The following DCK variants were observed in gnomAD, a reference collection of about 807,000 sequenced individuals.
The protein encoded by DCK is deoxyadenosine kinase.
In DCK, 23 loss-of-function variants were observed where a neutral mutation model predicts 38.3. The observed-to-expected ratio is 0.60, with a 90% confidence interval of 0.43 to 0.85. DCK has a LOEUF of 0.85. Among genes scored for constraint, DCK ranks in the 40% least tolerant of loss-of-function variants. The probability of loss-of-function intolerance (pLI) is 0.00; values close to 1 mark genes in which losing one functional copy is unlikely to be tolerated. For synonymous variants in DCK, 108 were observed against 100.6 expected (o/e 1.07, Z -0.44); for missense variants, 259 against 304.4 (o/e 0.85, Z 1.11).
In DCK at chr4:71,019,044, G is replaced by A. The variant is rs553218526; in HGVS notation, c.208-3323G>A. 1.2e-4 allele frequency among the ~76,000 whole-genome samples: 18 copies of A among 152,150 alleles called. No individual in the cohort carries two copies. In the East Asian group the frequency reaches 1.7e-3, roughly 15 times the overall value. The stretch of plus-strand genomic sequence containing the variant: ...CCTAGCAATTTGTCTCAAATTTCAT[G>A]CATAGGATCAAAAGAAAATGTTTTA... On this transcript the variant is annotated intron_variant, in intron 2 of 6. Transcript: ENST00000286648.
At chr4:71,005,998 C>T (rs1199821632) in intron 2 of DCK, among the ~76,000 whole-genome samples, 1 of 150,058 alleles carries the variant, frequency 6.7e-6, no homozygotes, top group South Asian at 2.1e-4. Flanking sequence ...TGGTGGTGGG[C>T]GCCTGTAATC....
At chr4:71,028,876 G>T (rs1445301756) in intron 6 of DCK, among the ~76,000 whole-genome samples, 1 of 152,126 alleles carries the variant, frequency 6.6e-6, no homozygotes, top group Non-Finnish European at 1.5e-5. Context: ...TTCTGCCTTG[G>T]CCTCCCTAGT....
At chr4:70,995,505 A>G (rs1387849928) in intron 1 of DCK, among the ~76,000 whole-genome samples, 2 of 152,102 alleles carry the variant, frequency 1.3e-5, no homozygotes, top group East Asian at 3.9e-4. Context: ...GCTTGAGCCC[A>G]AAGATCAAGG....
chr4:71,029,789 AG>A lies in DCK; in HGVS notation c.*412del, dbSNP rs942308318. On this transcript the variant is annotated 3_prime_UTR_variant, in exon 7 of 7. Coordinates refer to ENST00000286648, the MANE Select transcript of DCK (RefSeq NM_000788.3). ...TAAACTGAAAGCTTTAATGTTACAT[AG>A]TAAATGGTAGTGTGTCCTGTGTAAA... 1 of 176,706 alleles carries A rather than the reference AG, an allele frequency of 5.7e-6. No homozygotes were observed. The highest frequency in any genetic ancestry group is 2.4e-5 in the African/African-American group (1 of 41,650). 10.9% of individuals were successfully genotyped at this position (176,706 alleles called of 1,614,324 possible).
chr4:71,008,246 C>G (rs531486339), intron 2 of DCK, among the ~76,000 whole-genome samples: 1 of 152,334 alleles, frequency 6.6e-6, no homozygotes, highest in South Asian at 2.1e-4. Flanking sequence ...TCTCTCCCCC[C>G]AGTGTAATCA....
rs1463757609 is a variant in DCK at position 71,023,649 on chromosome 4, C to CAAA, written c.492_493insAAA (p.Asn164_Gln165insLys). The CAAA allele has an allele frequency of 6.2e-7, 1 of 1,613,494 alleles. No individual in the cohort carries two copies. Among genetic ancestry groups the CAAA allele is most frequent in the South Asian group, 1.1e-5 (1 of 91,010 alleles). On this transcript the variant is annotated inframe_insertion, in exon 4 of 7. Coordinates refer to ENST00000286648, the MANE Select transcript of DCK (RefSeq NM_000788.3). ...AAGACTGGCATGACTGGATGAATAA[C>CAAA]CAATTTGGCCAAAGCCTTGAATTGG...
chr4:71,003,036 A>C lies in DCK; in HGVS notation c.207+4854A>C, dbSNP rs1166729935. Among the ~76,000 whole-genome samples the C allele has an allele frequency of 1.1e-4, 16 of 152,122 alleles. 1 individual carries two copies. ...GGTTATTTTGCCTGTTAGTTGATGC[A>C]GTTTCTTCATAGTGTCGATGGTCTT... On this transcript the variant is annotated intron_variant, in intron 2 of 6. Transcript: ENST00000286648.
chr4:71,013,991 A>G (rs1333773508), intron 2 of DCK, among the ~76,000 whole-genome samples: 1 of 152,238 alleles, frequency 6.6e-6, no homozygotes, highest in African/African-American at 2.4e-5. Context: ...TAAAGACTCA[A>G]GACCCATCAG....
chr4:71,016,867 G>A (rs1254781220), intron 2 of DCK, among the ~76,000 whole-genome samples: 2 of 152,176 alleles, frequency 1.3e-5, no homozygotes, highest in African/African-American at 4.8e-5. Context: ...TGGGACATAG[G>A]CATGGGCAAG....
At chr4:70,995,736 T>C (rs68121034) in intron 1 of DCK, among the ~76,000 whole-genome samples, 1 of 152,324 alleles carries the variant, frequency 6.6e-6, no homozygotes, top group Non-Finnish European at 1.5e-5. Context: ...CTGAAATAAT[T>C]TCCTAATATA....
At chr4:71,021,769 A>G (rs7439562) in intron 2 of DCK, among the ~76,000 whole-genome samples, 124,405 of 152,112 alleles carry the variant, frequency 0.82, 54,939 homozygotes, top group Non-Finnish European at 0.97. Flanking sequence ...TTGGGAGGCC[A>G]AGGCAGGCAG....
intron 1 of DCK, among the ~76,000 whole-genome samples, chr4:70,995,130 G>A (rs746428943): frequency 7.9e-5 from 12 of 152,146 alleles, no homozygotes; most frequent in Non-Finnish European, 2.9e-5. Context: ...TTATTTCATT[G>A]CTCCAGAATT....
Position 71,025,466 on chromosome 4 carries a change from A to G in DCK, c.550-350A>G, listed in dbSNP as rs180768316. On this transcript the variant is annotated intron_variant, in intron 4 of 6. Transcript: ENST00000286648. ...TATTTTGTAATCAAGGTTGGTTAAC[A>G]GCAAAGTAAGATTATGTTTATAGAT... Among the ~76,000 whole-genome samples the G allele has an allele frequency of 2.1e-4, 32 of 152,240 alleles. 1 individual carries two copies. Among genetic ancestry groups the G allele is most frequent in the Admixed American group, 2.0e-3 (31 of 15,298 alleles).
intron 6 of DCK, among the ~76,000 whole-genome samples, chr4:71,027,645 C>G (rs1389849223): frequency 6.6e-6 from 1 of 152,096 alleles, no homozygotes; most frequent in East Asian, 1.9e-4. Context: ...AGGGATATAT[C>G]AAGGATTTTG....
intron 1 of DCK, 112 bp downstream of exon 1, chr4:70,994,038 C>T: frequency 1.2e-6 from 1 of 813,300 alleles, no homozygotes; most frequent in Non-Finnish European, 2.1e-6. Flanking sequence ...TCCCTCCAGC[C>T]TGGCGGTGTG....
In DCK at chr4:71,009,331, A is replaced by G. The variant is rs1740029998; in HGVS notation, c.207+11149A>G. On this transcript the variant is annotated intron_variant, in intron 2 of 6. Coordinates refer to ENST00000286648, the MANE Select transcript of DCK (RefSeq NM_000788.3). ...TTAGGTTGCAGAGAAGTTGAAAAAC[A>G]TTGCTTTCGTATATAAGACAAGACA... Among the ~76,000 whole-genome samples, 3 of 152,212 alleles carry G rather than the reference A, an allele frequency of 2.0e-5. No individual in the cohort carries two copies. The South Asian group carries it at 6.2e-4, about 32-fold the overall frequency.
At chr4:70,998,642 G>A (rs1323177771) in intron 2 of DCK, among the ~76,000 whole-genome samples, 1 of 152,124 alleles carries the variant, frequency 6.6e-6, no homozygotes, top group Non-Finnish European at 1.5e-5. Context: ...CATGCATTGA[G>A]GCCGGGGTTG....
chr4:70,996,515 A>G (rs1739664462), intron 1 of DCK, among the ~76,000 whole-genome samples: 1 of 152,192 alleles, frequency 6.6e-6, no homozygotes, highest in Admixed American at 6.6e-5. Flanking sequence ...TAGATGGAGC[A>G]TGTTCCTTGC....
Position 70,998,176 on chromosome 4 carries a change from A to G in DCK, c.201A>G (p.Glu67=). 1 of 1,528,482 alleles carries G rather than the reference A, an allele frequency of 6.5e-7. No individual in the cohort carries two copies. Among genetic ancestry groups the G allele is most frequent in the Non-Finnish European group, 9.0e-7 (1 of 1,111,346 alleles). 94.7% of individuals were successfully genotyped at this position (1,528,482 alleles called of 1,614,324 possible). ...RWCNVQSTQD[E]FEELTMSQKN... ...GCAATGTTCAAAGTACTCAAGATGA[A>G]TTTGAGGTATGAAAATAAAATTTAA... is the stretch of plus-strand genomic sequence containing the variant. The change falls in exon 2 of 7, where the codon GAA becomes GAG. Residue 67 remains glutamate, a synonymous_variant. Coordinates refer to ENST00000286648, the MANE Select transcript of DCK (RefSeq NM_000788.3).
Sources: gnomAD v4.1 joint callset for allele counts (sites outside exome capture counted in the v4.1 genomes callset) on GRCh38, gnomAD v4.1.1 for gene constraint, MANE v1.5 for transcripts, NCBI Gene and HGNC (gene_info 2026-07-23, HGNC 2026-07-21) for gene names.